FABP6: variants seen among roughly 807,000 people sequenced by gnomAD.
FABP6 encodes gastrotropin.
In FABP6, 13 loss-of-function variants were observed where a neutral mutation model predicts 14.9. That is an observed-to-expected ratio of 0.87 (90% CI 0.57 to 1.39). The LOEUF (loss-of-function observed/expected upper bound fraction) is 1.39, where lower values mean the gene tolerates loss of function less well. Ranked by LOEUF, FABP6 falls within the 40% of genes most tolerant of loss-of-function variation. FABP6 has a pLI of 0.00. For missense variants in FABP6, 161 were observed against 167.2 expected (o/e 0.96, Z 0.20); for synonymous variants, 75 against 63.6 (o/e 1.18, Z -0.85).
intron 2 of FABP6, among the ~76,000 whole-genome samples, chr5:160,209,842 C>T (rs912720420): frequency 2.2e-4 from 33 of 152,294 alleles, no homozygotes; most frequent in African/African-American, 7.7e-4. Context: ...TGAGCCACTG[C>T]GTCCAGCCCT....
chr5:160,215,517 G>GAAA lies in FABP6; in HGVS notation c.135+1710_135+1712dup, dbSNP rs35492213. ...AAAAAGAGTGAAACTCTGTCTCAGA[G>GAAA]AAAAAAAAAAAAAAGGTGACGGTGG... On this transcript the variant is annotated intron_variant, in intron 3 of 6. Coordinates refer to the FABP6 transcript ENST00000393980. 2.1e-3 allele frequency among the ~76,000 whole-genome samples: 290 copies of GAAA among 136,034 alleles called. 1 individual carries two copies. The highest frequency in any genetic ancestry group is 3.5e-3 in the Non-Finnish European group (218 of 62,800). The allele number at this position is 136,034 out of a possible 152,430, so 89.2% of individuals were successfully genotyped here. A position where few individuals can be genotyped will look rare whatever the true frequency, so the allele number is the denominator to read the frequency against.
intron 3 of FABP6, among the ~76,000 whole-genome samples, chr5:160,237,722 C>T (rs1237816035): frequency 2.0e-5 from 3 of 152,172 alleles, no homozygotes; most frequent in African/African-American, 4.8e-5. Context: ...TGACCTTCCA[C>T]GGCCTTACTG....
exon 3 of FABP6, chr5:160,213,777 G>C: frequency 6.2e-7 from 1 of 1,613,894 alleles, no homozygotes; most frequent in Non-Finnish European, 8.5e-7. Context: ...GGGTGAGCCG[G>C]AAAGGAGACC....
upstream of FABP6, chr5:160,229,499 C>G: frequency 6.2e-7 from 1 of 1,612,714 alleles, no homozygotes. Flanking sequence ...ATAGCAGACC[C>G]CTCAGCACCA....
intron 3 of FABP6, among the ~76,000 whole-genome samples, chr5:160,235,384 TC>T (rs377706272): frequency 5.5e-4 from 83 of 152,256 alleles, no homozygotes; most frequent in African/African-American, 2.0e-3. Context: ...AATTTGCACT[TC>T]CGTGTGAAAT....
At chr5:160,234,706 C>T (rs972348196) in intron 2 of FABP6, 114 bp from the exon 3 acceptor site, 35 of 656,454 alleles carry the variant, frequency 5.3e-5, no homozygotes, top group Non-Finnish European at 8.0e-5. Context: ...GGATTATAGG[C>T]ATAAGCCACC....
At chr5:160,212,397 G>T (rs1486766711) in intron 2 of FABP6, among the ~76,000 whole-genome samples, 1 of 151,992 alleles carries the variant, frequency 6.6e-6, no homozygotes, top group African/African-American at 2.4e-5. Context: ...CTCATGACCT[G>T]CCCATCTCAG....
intron 2 of FABP6, among the ~76,000 whole-genome samples, chr5:160,207,324 C>A (rs950920090): frequency 1.3e-5 from 2 of 152,194 alleles, no homozygotes; most frequent in Admixed American, 6.5e-5. Flanking sequence ...CTTTTTCATG[C>A]CAAACACCCA....
chr5:160,202,683 A>G (rs1402341974), intron 2 of FABP6, among the ~76,000 whole-genome samples: 1 of 151,848 alleles, frequency 6.6e-6, no homozygotes, highest in Non-Finnish European at 1.5e-5. Flanking sequence ...AGGCGCCTGT[A>G]GTCCCAGTGA....
In FABP6 at chr5:160,199,763, C is replaced by T. The variant is rs945739335; in HGVS notation, c.51+606C>T. ...TGTCCGGCGCGGGGAGGGACACAGA[C>T]GCGTCCCAGTGGGATCTCCGCTCAC... On this transcript the variant is annotated intron_variant, in intron 2 of 6. Transcript: ENST00000393980. Among the ~76,000 whole-genome samples the T allele has an allele frequency of 2.6e-5, 4 of 152,190 alleles. No individual in the cohort carries two copies. In the East Asian group the frequency reaches 5.8e-4, roughly 22 times the overall value.
chr5:160,237,996 C>T (rs915361506), intron 3 of FABP6, among the ~76,000 whole-genome samples: 1 of 152,186 alleles, frequency 6.6e-6, no homozygotes, highest in Non-Finnish European at 1.5e-5. Flanking sequence ...CATGGAAATG[C>T]TGCTTTCTTC....
chr5:160,190,878 C>A (rs996878654), intron 1 of FABP6, among the ~76,000 whole-genome samples: 1 of 151,596 alleles, frequency 6.6e-6, no homozygotes, highest in East Asian at 1.9e-4. Context: ...TTTCGGAGGC[C>A]GAGGCGGGCG....
In FABP6 at chr5:160,232,920, T is replaced by TA. The variant is rs529395963; in HGVS notation, c.243+655dup. Among the ~76,000 whole-genome samples the TA allele has an allele frequency of 4.2e-3, 619 of 148,366 alleles. 1 individual carries two copies. Among genetic ancestry groups the TA allele is most frequent in the Non-Finnish European group, 6.0e-3 (404 of 67,228 alleles). On this transcript the variant is annotated intron_variant, in intron 2 of 3. Transcript: ENST00000402432. ...ACACAAAAAAATAAATAAATAAAAA[T>TA]AAAAAAAACCTTGCCTTAGTTACAC...
chr5:160,224,882 A>T (rs1022819938), upstream of FABP6, among the ~76,000 whole-genome samples: 1 of 150,122 alleles, frequency 6.7e-6, no homozygotes, highest in African/African-American at 2.5e-5. Context: ...GGCTCAAGTG[A>T]TTCTCGTGGC....
chr5:160,188,399 G>T (rs899162328), intron 1 of FABP6, among the ~76,000 whole-genome samples: 1 of 152,076 alleles, frequency 6.6e-6, no homozygotes, highest in Non-Finnish European at 1.5e-5. Context: ...GGCTGGCTGA[G>T]GGCGGACTCT....
upstream of FABP6, among the ~76,000 whole-genome samples, chr5:160,224,745 A>G: frequency 6.6e-6 from 1 of 151,830 alleles, no homozygotes. Flanking sequence ...CCTGGGCAAC[A>G]TAGTGAGACT....
At chr5:160,229,311 G>T (rs1760316109), upstream of FABP6, 4 of 761,648 alleles carry the variant, frequency 5.3e-6, no homozygotes, top group Non-Finnish European at 7.7e-6. Context: ...TTGCCATCCT[G>T]ACCCTGCTGG....
rs1201798961 is a variant in FABP6 at position 160,232,275 on chromosome 5, T to C, written c.243+2T>C. 1.9e-6 allele frequency: 3 copies of C among 1,598,796 alleles called. No homozygotes were observed. In the East Asian group the frequency reaches 6.8e-5, roughly 36 times the overall value. On this transcript the variant is annotated splice_donor_variant, in intron 2 of 3. Transcript: ENST00000402432. LOFTEE classifies it high-confidence loss of function. ...ACAATGGGGGGCAAGACGTTCAAGG[T>C]GAGAGGCCACTGGCTGTCCCCCTCC...
At chr5:160,188,365 AG>A (rs1759329582) in intron 1 of FABP6, among the ~76,000 whole-genome samples, 1 of 146,278 alleles carries the variant, frequency 6.8e-6, no homozygotes, top group African/African-American at 2.5e-5. Context: ...AAAAAACATT[AG>A]CAAATCCCCA....
Sources: gnomAD v4.1 joint callset for allele counts (sites outside exome capture counted in the v4.1 genomes callset) on GRCh38, gnomAD v4.1.1 for gene constraint, MANE v1.5 for transcripts, NCBI Gene and HGNC (gene_info 2026-07-23, HGNC 2026-07-21) for gene names.